Variants in CARM1 observed in about 807,000 individuals in gnomAD.
CARM1 encodes the protein histone-arginine methyltransferase CARM1.
Under a neutral mutation model 72.7 loss-of-function variants are expected in CARM1, and 14 were observed. That is an observed-to-expected ratio of 0.19 (90% CI 0.13 to 0.30). The LOEUF (loss-of-function observed/expected upper bound fraction) is 0.30, where lower values mean the gene tolerates loss of function less well. CARM1 is among the 10% of genes least tolerant of loss of function. The pLI is 1.00. For synonymous variants in CARM1, 333 were observed against 345.5 expected (o/e 0.96, Z 0.40); for missense variants, 432 against 833.7 (o/e 0.52, Z 5.93).
chr19:10,878,629 G>A (rs1054604927), intron 1 of CARM1, among the ~76,000 whole-genome samples: 1 of 152,166 alleles, frequency 6.6e-6, no homozygotes, highest in African/African-American at 2.4e-5. Flanking sequence ...CACCTTAAAT[G>A]CATATATAAG....
chr19:10,913,729 T>C (rs996341270), intron 5 of CARM1, 148 bp from the exon 6 acceptor site: 6 of 768,528 alleles, frequency 7.8e-6, no homozygotes, highest in African/African-American at 3.5e-5. Context: ...CTATGGCCAA[T>C]CGCAGCCATG....
At chr19:10,875,999 T>G (rs1205399553) in intron 1 of CARM1, among the ~76,000 whole-genome samples, 1 of 151,796 alleles carries the variant, frequency 6.6e-6, no homozygotes, top group Non-Finnish European at 1.5e-5. Flanking sequence ...CCCAAAGTCC[T>G]GGGATTACAG....
rs1311823751 is a variant in CARM1 at position 10,873,796 on chromosome 19, T to C, written c.220+1874T>C. Among the ~76,000 whole-genome samples the C allele has an allele frequency of 4.6e-5, 7 of 151,596 alleles. No individual in the cohort carries two copies. In the East Asian group the frequency reaches 5.9e-4, roughly 13 times the overall value. ...CTGGGACTACAGGCGCCTGCCGCCA[T>C]GCCCGGCTAATTTTTTGTGTTTTTA... On this transcript the variant is annotated intron_variant, in intron 1 of 15. Coordinates refer to ENST00000327064, the MANE Select transcript of CARM1 (RefSeq NM_199141.2).
chr19:10,921,830 T>C lies in CARM1; in HGVS notation c.*73T>C. 2 of 1,452,980 alleles carry C rather than the reference T, an allele frequency of 1.4e-6. No homozygotes were observed. The highest frequency in any genetic ancestry group is 9.3e-7 in the Non-Finnish European group (1 of 1,070,898). 90.0% of individuals were successfully genotyped at this position (1,452,980 alleles called of 1,614,324 possible). On this transcript the variant is annotated 3_prime_UTR_variant, in exon 16 of 16. Coordinates refer to ENST00000327064, the MANE Select transcript of CARM1 (RefSeq NM_199141.2). Reference sequence around the variant, plus strand: ...TGCCCGCCGCCCCCGCCGGGCGGCTTTCCCCCTTGTACTGGAGAAGCTCGA... The same window carrying C: ...TGCCCGCCGCCCCCGCCGGGCGGCTCTCCCCCTTGTACTGGAGAAGCTCGA...
At chr19:10,893,691 T>C (rs1213257221) in intron 1 of CARM1, among the ~76,000 whole-genome samples, 1 of 152,200 alleles carries the variant, frequency 6.6e-6, no homozygotes, top group East Asian at 1.9e-4. Context: ...AGGCAGGTGC[T>C]AGTTCGGGGG....
chr19:10,908,297 C>T (rs2074120112), intron 3 of CARM1, 152 bp downstream of exon 3: 2 of 596,512 alleles, frequency 3.4e-6, no homozygotes, highest in Non-Finnish European at 6.0e-6. Flanking sequence ...CAGGTTTCCT[C>T]TGCTGGCTGG....
intron 14 of CARM1, 52 bp downstream of exon 14, chr19:10,921,179 C>T (rs760556938): frequency 7.6e-6 from 12 of 1,574,478 alleles, no homozygotes; most frequent in East Asian, 2.3e-5. Flanking sequence ...CAGGACTGCC[C>T]AGGGGCCGGG....
chr19:10,906,864 T>TATTTTATTTC (rs2074108169), intron 2 of CARM1, among the ~76,000 whole-genome samples: 1 of 66,486 alleles, frequency 1.5e-5, no homozygotes, highest in African/African-American at 5.4e-5. Flanking sequence ...AATATAGCTT[T>TATTTTATTTC]ATTTTATTTT....
In CARM1 at chr19:10,914,063, T is replaced by TG; in HGVS notation, c.847+15dup. The TG allele has an allele frequency of 6.2e-7, 1 of 1,608,510 alleles. No individual in the cohort carries two copies. ...GTACCTGAAGCCCAGCGGTGAGCAC[T>TG]GGGGGGTACACAGGCCAGGCCCCTC... On this transcript the variant is annotated intron_variant, in intron 6 of 15. Transcript: ENST00000327064.
chr19:10,886,988 T>G (rs2073947053), intron 1 of CARM1, among the ~76,000 whole-genome samples: 1 of 152,208 alleles, frequency 6.6e-6, no homozygotes, highest in Non-Finnish European at 1.5e-5. Flanking sequence ...GAGCTGGGCC[T>G]CCTGCCTCGG....
At position 10,877,912 on chromosome 19, in the gene CARM1, G is replaced by A. The variant is rs1003213392; in HGVS notation, c.220+5990G>A. Among the ~76,000 whole-genome samples, 3 of 152,254 alleles carry A rather than the reference G, an allele frequency of 2.0e-5. No homozygotes were observed. In the East Asian group the frequency reaches 5.8e-4, roughly 29 times the overall value. ...CCAGCTAATTTTTTGTATTTTAGTA[G>A]CTCACTGCAGCCTCTAACTCCTGGG... On this transcript the variant is annotated intron_variant, in intron 1 of 15. Transcript: ENST00000327064.
intron 1 of CARM1, among the ~76,000 whole-genome samples, chr19:10,883,984 C>T (rs1275611822): frequency 1.3e-5 from 2 of 149,130 alleles, no homozygotes; most frequent in Non-Finnish European, 3.0e-5. Flanking sequence ...TGCCACTGCA[C>T]TCCGGCCTGG....
chr19:10,881,779 C>A (rs187652587), intron 1 of CARM1, among the ~76,000 whole-genome samples: 2 of 152,106 alleles, frequency 1.3e-5, no homozygotes, highest in African/African-American at 4.8e-5. Context: ...CTCCATAGTG[C>A]GGTAGCTCCC....
intron 1 of CARM1, among the ~76,000 whole-genome samples, chr19:10,890,270 T>TG (rs369540583): frequency 0.21 from 28,651 of 135,258 alleles, 2,713 homozygotes; most frequent in Middle Eastern, 0.31. Flanking sequence ...GTTTTGTTTG[T>TG]TTTTTTTTTT....
intron 1 of CARM1, among the ~76,000 whole-genome samples, chr19:10,880,100 A>T (rs2073890690): frequency 6.6e-6 from 1 of 152,202 alleles, no homozygotes; most frequent in Admixed American, 6.5e-5. Context: ...ACCAGGTTGG[A>T]TTTAGCAGGT....
At chr19:10,906,406 G>T (rs2074104285) in intron 2 of CARM1, among the ~76,000 whole-genome samples, 1 of 152,218 alleles carries the variant, frequency 6.6e-6, no homozygotes, top group African/African-American at 2.4e-5. Context: ...TAACATTGTT[G>T]TGCAACTGTC....
chr19:10,886,513 C>T (rs989376725), intron 1 of CARM1, among the ~76,000 whole-genome samples: 2 of 149,668 alleles, frequency 1.3e-5, no homozygotes, highest in African/African-American at 2.4e-5. Flanking sequence ...TCATTTTTAT[C>T]TTTTATCTTT....
At chr19:10,888,087 G>T (rs111258010) in intron 1 of CARM1, among the ~76,000 whole-genome samples, 4 of 152,208 alleles carry the variant, frequency 2.6e-5, no homozygotes, top group African/African-American at 9.7e-5. Flanking sequence ...CACTGTGGGT[G>T]TCTCCTCTGC....
rs1467257049 is a variant in CARM1, at chr19:10,871,705, GGCA to G, written c.6_8del (p.Ala7del). On this transcript the variant is annotated inframe_deletion, in exon 1 of 16. Transcript: ENST00000327064. This position sits in a 1 kb window ranked among gnomAD's most constrained non-coding sequence, Gnocchi z 5.6. Reference sequence around the variant, plus strand: ...CGGGGCCTGGAGCCGGATCTAAGATGGCAGCGGCGGCGGCGGCGGTGGGGCCGG... The same window carrying G: ...CGGGGCCTGGAGCCGGATCTAAGATGGCGGCGGCGGCGGCGGTGGGGCCGG... 2.3e-6 allele frequency: 2 copies of G among 855,632 alleles called. No homozygotes were observed. Among genetic ancestry groups the G allele is most frequent in the Non-Finnish European group, 1.4e-6 (1 of 712,850 alleles). 53.0% of individuals were successfully genotyped at this position (855,632 alleles called of 1,614,324 possible).
Sources: allele counts gnomAD v4.1 joint callset (sites outside exome capture counted in the v4.1 genomes callset), GRCh38; gene constraint gnomAD v4.1.1; non-coding constraint Gnocchi (gnomAD v3.1); transcripts MANE v1.5; gene names NCBI Gene and HGNC (gene_info 2026-07-23, HGNC 2026-07-21).